The following DHRSX variants were observed in gnomAD, a reference collection of about 807,000 sequenced individuals.
DHRSX encodes the protein dehydrogenase/reductase X-linked.
DHRSX carries 31 observed loss-of-function variants against 34.0 expected under a neutral mutation model. The observed-to-expected ratio is 0.91, with a 90% CI of 0.69 to 1.23. The LOEUF is 1.23. Ranked by LOEUF, DHRSX falls within the 50% of genes most tolerant of loss-of-function variation. DHRSX has a pLI of 0.00. For synonymous variants in DHRSX, 201 were observed against 183.8 expected (o/e 1.09, Z -0.76); for missense variants, 414 against 428.1 (o/e 0.97, Z 0.29).
chrX:2,336,144 A>G (rs2042558657), intron 3 of DHRSX, among the ~76,000 whole-genome samples: 1 of 151,882 alleles, frequency 6.6e-6, no homozygotes, highest in East Asian at 1.9e-4. Flanking sequence ...AGTAGCTGGG[A>G]CTACAGGCGC....
At chrX:2,356,897 C>G (rs1055999317) in intron 3 of DHRSX, among the ~76,000 whole-genome samples, 1 of 152,028 alleles carries the variant, frequency 6.6e-6, no homozygotes, top group Admixed American at 6.5e-5. Flanking sequence ...ATGTTATTGG[C>G]AAGGGTTCCT....
At chrX:2,294,436 T>C (rs1338818667) in intron 3 of DHRSX, among the ~76,000 whole-genome samples, 2 of 151,826 alleles carry the variant, frequency 1.3e-5, no homozygotes, top group African/African-American at 2.4e-5. Flanking sequence ...CTCAGCACTT[T>C]GGAAGGTGGG....
chrX:2,483,475 C>A (rs1229214653), intron 1 of DHRSX, among the ~76,000 whole-genome samples: 4 of 151,986 alleles, frequency 2.6e-5, no homozygotes, highest in Non-Finnish European at 5.9e-5. Flanking sequence ...GGCCATGTTG[C>A]CCAGGCTGGT....
At chrX:2,325,036 A>C (rs1208631208) in intron 3 of DHRSX, among the ~76,000 whole-genome samples, 2 of 151,552 alleles carry the variant, frequency 1.3e-5, no homozygotes, top group Non-Finnish European at 2.9e-5. Context: ...AGCCTCCAAA[A>C]GTGCTGGGAT....
intron 3 of DHRSX, among the ~76,000 whole-genome samples, chrX:2,320,750 CA>C (rs2124531809): frequency 6.6e-6 from 1 of 151,576 alleles, no homozygotes; most frequent in South Asian, 2.1e-4. Flanking sequence ...GTGAATGTGG[CA>C]ACCCCTCCTT....
chrX:2,240,528 C>T (rs2016116284), intron 6 of DHRSX, among the ~76,000 whole-genome samples: 1 of 150,862 alleles, frequency 6.6e-6, no homozygotes. Context: ...TCATTAATTC[C>T]AAAGCTTGAT....
At position 2,220,990 on chromosome X, in the gene DHRSX, T is replaced by C. The variant is rs191860256; in HGVS notation, c.*51A>G. ...GCAGTCTTCACAGACCCACAAGCTATTGGCAGGTGCAATGTGTTTCTTGGG... is the reference window on the plus strand; with the variant it reads ...GCAGTCTTCACAGACCCACAAGCTACTGGCAGGTGCAATGTGTTTCTTGGG... On this transcript the variant is annotated 3_prime_UTR_variant, in exon 7 of 7. Transcript: ENST00000334651. The C allele has an allele frequency of 5.1e-5, 80 of 1,572,864 alleles. No homozygotes were observed. The African/African-American group carries it at 1.0e-3, about 20-fold the overall frequency.
chrX:2,441,731 A>G (rs774973278), intron 1 of DHRSX, among the ~76,000 whole-genome samples: 1 of 152,188 alleles, frequency 6.6e-6, no homozygotes, highest in East Asian at 1.9e-4. Flanking sequence ...TCTACTGAAA[A>G]TCTCATTATT....
intron 3 of DHRSX, among the ~76,000 whole-genome samples, chrX:2,400,243 T>C (rs1397478147): frequency 6.6e-6 from 1 of 152,158 alleles, no homozygotes; most frequent in African/African-American, 2.4e-5. Flanking sequence ...ATTCTGTACA[T>C]TAAAAATGGA....
rs773965917 is a variant in DHRSX, at chrX:2,327,551, C to T, written c.287-35948G>A. On this transcript the variant is annotated intron_variant, in intron 3 of 6. Transcript: ENST00000334651. ...TCACTAGACTCAAGATAGACCCAGC[C>T]AGACCATCTGGTTAGAGCTACCCAA... 2.0e-5 allele frequency among the ~76,000 whole-genome samples: 3 copies of T among 152,206 alleles called. No homozygotes were observed. In the South Asian group the frequency reaches 6.2e-4, roughly 32 times the overall value.
chrX:2,407,551 C>T (rs1015829634), intron 3 of DHRSX, among the ~76,000 whole-genome samples: 2 of 152,174 alleles, frequency 1.3e-5, no homozygotes, highest in Non-Finnish European at 2.9e-5. Flanking sequence ...TACATCCCCT[C>T]GTTATCTAAC....
At chrX:2,247,141 G>T (rs1294986790) in intron 5 of DHRSX, among the ~76,000 whole-genome samples, 7 of 151,998 alleles carry the variant, frequency 4.6e-5, no homozygotes, top group Non-Finnish European at 1.0e-4. Context: ...TAGAGACGGG[G>T]TTTCATCAGG....
chrX:2,463,370 T>C (rs1284092319), intron 1 of DHRSX, among the ~76,000 whole-genome samples: 1 of 152,124 alleles, frequency 6.6e-6, no homozygotes, highest in Non-Finnish European at 1.5e-5. Flanking sequence ...AAGGCAGTGA[T>C]GAATGGAAGC....
At chrX:2,488,525 G>A in intron 1 of DHRSX, 2 of 1,363,130 alleles carry the variant, frequency 1.5e-6, no homozygotes, top group Non-Finnish European at 2.0e-6. Context: ...AGGTGTCAAA[G>A]ACAGTGGATG....
At chrX:2,379,086 C>T (rs2043175084) in intron 3 of DHRSX, among the ~76,000 whole-genome samples, 1 of 152,152 alleles carries the variant, frequency 6.6e-6, no homozygotes, top group Non-Finnish European at 1.5e-5. Context: ...CGTCTAGTTG[C>T]AGGAAAGGCT....
chrX:2,232,697 C>T (rs1439989304), intron 6 of DHRSX, among the ~76,000 whole-genome samples: 2 of 151,922 alleles, frequency 1.3e-5, no homozygotes, highest in African/African-American at 4.8e-5. Flanking sequence ...CTCAGCCTCC[C>T]GAGTAGCTGG....
intron 6 of DHRSX, among the ~76,000 whole-genome samples, chrX:2,231,718 TTCTC>T (rs1343146208): frequency 1.7e-4 from 25 of 151,380 alleles, no homozygotes; most frequent in African/African-American, 5.6e-4. Context: ...TCCTCTTTTT[TTCTC>T]CTCCATCTTC....
intron 3 of DHRSX, among the ~76,000 whole-genome samples, chrX:2,364,785 TCTA>T (rs1311743088): frequency 1.3e-5 from 2 of 152,202 alleles, no homozygotes; most frequent in African/African-American, 2.4e-5. Flanking sequence ...TTACTCTCTA[TCTA>T]CTGTCTATCA....
intron 3 of DHRSX, among the ~76,000 whole-genome samples, chrX:2,313,773 G>T (rs1287035430): frequency 3.3e-5 from 5 of 152,156 alleles, no homozygotes; most frequent in African/African-American, 1.2e-4. Flanking sequence ...GCCCTCAGGA[G>T]ATCCCGAGAA....
Sources: gnomAD v4.1 joint callset for allele counts (sites outside exome capture counted in the v4.1 genomes callset) on GRCh38, gnomAD v4.1.1 for gene constraint, MANE v1.5 for transcripts, NCBI Gene and HGNC (gene_info 2026-07-23, HGNC 2026-07-21) for gene names.